The following SPRYD4 variants were observed in gnomAD, a reference collection of about 807,000 sequenced individuals.
SPRYD4 encodes SPRY domain-containing protein 4.
SPRYD4 carries 12 observed loss-of-function variants against 16.6 expected under a neutral mutation model. The ratio of observed to expected loss-of-function variants is 0.72; its 90% CI spans 0.46 to 1.17. The LOEUF is 1.17. Ranked by LOEUF, SPRYD4 falls within the 50% of genes most tolerant of loss-of-function variation. SPRYD4 has a pLI of 0.00. For missense variants in SPRYD4, 260 were observed against 260.2 expected, an observed-to-expected ratio of 1.00 and a Z score of 0.00; for synonymous variants, 98 against 105.4, an observed-to-expected ratio of 0.93 and a Z score of 0.43.
Position 56,473,385 on chromosome 12 carries a change from T to C in SPRYD4, c.*3808T>C, listed in dbSNP as rs896864320. Reference sequence around the variant, plus strand: ...ACACTTAGTAGGAGCTCAAAATTGCTTTATTATAGTAAAAGTGGTACCATT... The same window carrying C: ...ACACTTAGTAGGAGCTCAAAATTGCCTTATTATAGTAAAAGTGGTACCATT... On this transcript the variant is annotated 3_prime_UTR_variant, in exon 2 of 2. Coordinates refer to ENST00000338146, the MANE Select transcript of SPRYD4 (RefSeq NM_207344.4). 3.7e-6 allele frequency: 6 copies of C among 1,604,684 alleles called. No individual in the cohort carries two copies. In the African/African-American group the frequency reaches 4.0e-5, roughly 11 times the overall value.
At position 56,472,080 on chromosome 12, in the gene SPRYD4, A is replaced by G; in HGVS notation, c.*2503A>G. 1 of 1,602,280 alleles carries G rather than the reference A, an allele frequency of 6.2e-7. No homozygotes were observed. Among genetic ancestry groups the G allele is most frequent in the Non-Finnish European group, 8.5e-7 (1 of 1,170,068 alleles). ...CTTTTGGTGAAAAAGAAAGGGTCTTATGATTACCCTCCTCCTCCCCTCCTT... is the reference window on the plus strand; with the variant it reads ...CTTTTGGTGAAAAAGAAAGGGTCTTGTGATTACCCTCCTCCTCCCCTCCTT... On this transcript the variant is annotated 3_prime_UTR_variant, in exon 2 of 2. Coordinates refer to ENST00000338146, the MANE Select transcript of SPRYD4 (RefSeq NM_207344.4).
chr12:56,479,196 C>T lies in SPRYD4; in HGVS notation c.*9619C>T, dbSNP rs373424801. ...TGCTCACACACCTGGATCCCAGACACGATTGGATTAGGGGGCTAGAGAAAT... is the reference window on the plus strand; with the variant it reads ...TGCTCACACACCTGGATCCCAGACATGATTGGATTAGGGGGCTAGAGAAAT... On this transcript the variant is annotated 3_prime_UTR_variant, in exon 2 of 2. Coordinates refer to ENST00000338146, the MANE Select transcript of SPRYD4 (RefSeq NM_207344.4). The T allele has an allele frequency of 1.8e-5, 29 of 1,612,062 alleles. 1 individual carries two copies. Among genetic ancestry groups the T allele is most frequent in the Middle Eastern group, 3.3e-4 (2 of 6,060 alleles).
In SPRYD4 at chr12:56,478,374, G is replaced by C; in HGVS notation, c.*8797G>C. On this transcript the variant is annotated 3_prime_UTR_variant, in exon 2 of 2. Transcript: ENST00000338146. Reference sequence around the variant, plus strand: ...AAAAGCTAAAATTCTGTCTTCTATAGGGCAGAGGGGTTCCCTCCTGCCTGT... The same window carrying C: ...AAAAGCTAAAATTCTGTCTTCTATACGGCAGAGGGGTTCCCTCCTGCCTGT... 4 of 1,108,560 alleles carry C rather than the reference G, an allele frequency of 3.6e-6. No individual in the cohort carries two copies. In the South Asian group the frequency reaches 5.9e-5, roughly 16 times the overall value. The allele number at this position is 1,108,560 out of a possible 1,614,324, so 68.7% of individuals were successfully genotyped here.
Position 56,478,077 on chromosome 12 carries a change from TTGTG to T in SPRYD4, c.*8503_*8506del. 3 of 1,614,118 alleles carry T rather than the reference TTGTG, an allele frequency of 1.9e-6. No homozygotes were observed. Among genetic ancestry groups the T allele is most frequent in the Non-Finnish European group, 2.5e-6 (3 of 1,179,982 alleles). The stretch of plus-strand genomic sequence containing the variant: ...CAGGACTGCAGGCAGAAGGGGATCT[TTGTG>T]TGGCCCACAGAGTGCCTGGAGGCAG... On this transcript the variant is annotated 3_prime_UTR_variant, in exon 2 of 2. Transcript: ENST00000338146.
chr12:56,472,825 A>G lies in SPRYD4; in HGVS notation c.*3248A>G, dbSNP rs1869414747. 2 of 1,188,982 alleles carry G rather than the reference A, an allele frequency of 1.7e-6. No individual in the cohort carries two copies. The highest frequency in any genetic ancestry group is 2.5e-6 in the Non-Finnish European group (2 of 797,408). The allele number at this position is 1,188,982 out of a possible 1,614,324, so 73.7% of individuals were successfully genotyped here. On this transcript the variant is annotated 3_prime_UTR_variant, in exon 2 of 2. Transcript: ENST00000338146. ...CAGCTGTGCCCTGTGACCCTCCTCC[A>G]TGGATGCTTAGTCCAAGGGTATTGC...
chr12:56,471,663 G>T lies in SPRYD4; in HGVS notation c.*2086G>T, dbSNP rs752875915. On this transcript the variant is annotated 3_prime_UTR_variant, in exon 2 of 2. Coordinates refer to ENST00000338146, the MANE Select transcript of SPRYD4 (RefSeq NM_207344.4). Reference sequence around the variant, plus strand: ...CCCCACCTGAGAGGAATAATGATATGATCAGGCAAAGGAGACGTGGAGAGT... The same window carrying T: ...CCCCACCTGAGAGGAATAATGATATTATCAGGCAAAGGAGACGTGGAGAGT... 40 of 1,613,564 alleles carry T rather than the reference G, an allele frequency of 2.5e-5. No homozygotes were observed. The Middle Eastern group carries it at 6.6e-4, about 27-fold the overall frequency.
rs1201997736 is a variant in SPRYD4 at position 56,470,000 on chromosome 12, T to C, written c.*423T>C. On this transcript the variant is annotated 3_prime_UTR_variant, in exon 2 of 2. Coordinates refer to ENST00000338146, the MANE Select transcript of SPRYD4 (RefSeq NM_207344.4). ...CTCTACCAGATGGCTGAAGAGTAAA[T>C]CCTTTCTACCTCTGGCTGAAGGAGT... The C allele has an allele frequency of 3.4e-5, 6 of 174,452 alleles. No homozygotes were observed. The highest frequency in any genetic ancestry group is 1.4e-4 in the African/African-American group (6 of 42,368). The allele number at this position is 174,452 out of a possible 1,614,324, so 10.8% of individuals were successfully genotyped here. A position where few individuals can be genotyped will look rare whatever the true frequency, so the allele number is the denominator to read the frequency against.
chr12:56,472,471 C>T lies in SPRYD4; in HGVS notation c.*2894C>T, dbSNP rs111769122. 2.0e-3 allele frequency: 1,217 copies of T among 608,528 alleles called. 14 individuals are homozygous for T. In the African/African-American group the frequency reaches 0.021, roughly 10 times the overall value. 37.7% of individuals were successfully genotyped at this position (608,528 alleles called of 1,614,324 possible). On this transcript the variant is annotated 3_prime_UTR_variant, in exon 2 of 2. Coordinates refer to ENST00000338146, the MANE Select transcript of SPRYD4 (RefSeq NM_207344.4). The stretch of plus-strand genomic sequence containing the variant: ...GGTACCTACTTCCTAGGACACTGCT[C>T]TTAACACTCAATAACAATGGCTAAC...
Position 56,472,496 on chromosome 12 carries a change from C to A in SPRYD4, c.*2919C>A. Reference sequence around the variant, plus strand: ...CTTAACACTCAATAACAATGGCTAACATTAATTATCATAGAGCAGACAGTT... The same window carrying A: ...CTTAACACTCAATAACAATGGCTAAAATTAATTATCATAGAGCAGACAGTT... On this transcript the variant is annotated 3_prime_UTR_variant, in exon 2 of 2. Coordinates refer to ENST00000338146, the MANE Select transcript of SPRYD4 (RefSeq NM_207344.4). The A allele has an allele frequency of 1.6e-6, 1 of 617,664 alleles. No individual in the cohort carries two copies. The highest frequency in any genetic ancestry group is 2.8e-6 in the Non-Finnish European group (1 of 353,152). The allele number at this position is 617,664 out of a possible 1,614,324, so 38.3% of individuals were successfully genotyped here.
At position 56,471,282 on chromosome 12, in the gene SPRYD4, T is replaced by C. The variant is rs1325375514; in HGVS notation, c.*1705T>C. On this transcript the variant is annotated 3_prime_UTR_variant, in exon 2 of 2. Coordinates refer to ENST00000338146, the MANE Select transcript of SPRYD4 (RefSeq NM_207344.4). The stretch of plus-strand genomic sequence containing the variant: ...TCTCTCTGGATAGCTGTACTGCAGG[T>C]GTCCTCTGAGGCCCTTCTCTGTACT... 4.4e-5 allele frequency: 24 copies of C among 548,212 alleles called. No homozygotes were observed. The highest frequency in any genetic ancestry group is 6.7e-5 in the Non-Finnish European group (21 of 315,438). The allele number at this position is 548,212 out of a possible 1,614,324, so 34.0% of individuals were successfully genotyped here.
At position 56,479,140 on chromosome 12, in the gene SPRYD4, C is replaced by T. The variant is rs148320432; in HGVS notation, c.*9563C>T. The T allele has an allele frequency of 3.6e-4, 581 of 1,614,010 alleles. No individual in the cohort carries two copies. Among genetic ancestry groups the T allele is most frequent in the Non-Finnish European group, 4.3e-4 (511 of 1,180,022 alleles). ...AAAATCAGGAATGACAAACTTCTTTCGGAATGCCTGGGTCAGGAGCACAAT... is the reference window on the plus strand; with the variant it reads ...AAAATCAGGAATGACAAACTTCTTTTGGAATGCCTGGGTCAGGAGCACAAT... On this transcript the variant is annotated 3_prime_UTR_variant, in exon 2 of 2. Coordinates refer to ENST00000338146, the MANE Select transcript of SPRYD4 (RefSeq NM_207344.4).
Position 56,473,369 on chromosome 12 carries a change from A to G in SPRYD4, c.*3792A>G, listed in dbSNP as rs1447881749. 1 of 1,606,416 alleles carries G rather than the reference A, an allele frequency of 6.2e-7. No homozygotes were observed. Among genetic ancestry groups the G allele is most frequent in the East Asian group, 2.2e-5 (1 of 44,822 alleles). On this transcript the variant is annotated 3_prime_UTR_variant, in exon 2 of 2. Transcript: ENST00000338146. ...TGTTTATTTACTCCTTACACTTAGT[A>G]GGAGCTCAAAATTGCTTTATTATAG...
rs1465757234 is a variant in SPRYD4, at chr12:56,472,743, A to G, written c.*3166A>G. 2 of 1,613,940 alleles carry G rather than the reference A, an allele frequency of 1.2e-6. No homozygotes were observed. Among genetic ancestry groups the G allele is most frequent in the Admixed American group, 1.7e-5 (1 of 60,000 alleles). On this transcript the variant is annotated 3_prime_UTR_variant, in exon 2 of 2. Transcript: ENST00000338146. The stretch of plus-strand genomic sequence containing the variant: ...AGGCAGCAAATAACAGGTTGACCAC[A>G]GTCTTGTTCTGGAACACAAATCATA...
At position 56,475,240 on chromosome 12, in the gene SPRYD4, C is replaced by T; in HGVS notation, c.*5663C>T. ...CTAAATGAACCCCTTTATAACTTCT[C>T]ACAGTAATATTAGAGGAAATTTCTG... On this transcript the variant is annotated 3_prime_UTR_variant, in exon 2 of 2. Coordinates refer to ENST00000338146, the MANE Select transcript of SPRYD4 (RefSeq NM_207344.4). The T allele has an allele frequency of 6.3e-7, 1 of 1,587,044 alleles. No homozygotes were observed. The highest frequency in any genetic ancestry group is 1.7e-5 in the Admixed American group (1 of 57,236).
rs1486966301 is a variant in SPRYD4, at chr12:56,475,698, G to C, written c.*6121G>C. 1.2e-6 allele frequency: 2 copies of C among 1,614,020 alleles called. No homozygotes were observed. The highest frequency in any genetic ancestry group is 2.2e-5 in the South Asian group (2 of 91,076). ...ACTGCAACACCTGGAAGAGAAAAAG[G>C]GACATTGAGGCTCCACTTGGTTAAG... On this transcript the variant is annotated 3_prime_UTR_variant, in exon 2 of 2. Transcript: ENST00000338146.
chr12:56,469,148 C>CTTGAAT lies in SPRYD4; in HGVS notation c.196_201dup (p.Leu66_Asn67dup), dbSNP rs1869127100. 1.9e-6 allele frequency: 3 copies of CTTGAAT among 1,613,996 alleles called. No homozygotes were observed. In the Admixed American group the frequency reaches 5.0e-5, roughly 27 times the overall value. On this transcript the variant is annotated inframe_insertion, in exon 2 of 2. Transcript: ENST00000338146. ...TGGGATTGGAGCCCACCAAGGTGGC[C>CTTGAAT]TTGAATGTGGAGCGCTTCCGGGAGT... is the stretch of plus-strand genomic sequence containing the variant.
In SPRYD4 at chr12:56,469,115, T is replaced by C. The variant is rs780924158; in HGVS notation, c.162T>C (p.Tyr54=). 35 of 1,613,252 alleles carry C rather than the reference T, an allele frequency of 2.2e-5. 1 individual carries two copies. The East Asian group carries it at 2.4e-4, about 11-fold the overall frequency. Residue 54 remains tyrosine, a synonymous_variant, in exon 2 of 2, where the codon TAT becomes TAC. Transcript: ENST00000338146. ...TCAGAGATGATACGGGTGTCAAATATGGCTTGGTGGGATTGGAGCCCACCA... is the reference window on the plus strand; with the variant it reads ...TCAGAGATGATACGGGTGTCAAATACGGCTTGGTGGGATTGGAGCCCACCA... ...ALFRDDTGVK[Y]GLVGLEPTKV...
rs1385022681 is a variant in SPRYD4, at chr12:56,479,664, TAATAA to T, written c.*10096_*10100del. 1.9e-5 allele frequency: 23 copies of T among 1,199,108 alleles called. No individual in the cohort carries two copies. The highest frequency in any genetic ancestry group is 7.7e-5 in the African/African-American group (5 of 64,682). 74.3% of individuals were successfully genotyped at this position (1,199,108 alleles called of 1,614,324 possible). On this transcript the variant is annotated 3_prime_UTR_variant, in exon 2 of 2. Transcript: ENST00000338146. ...ATTCATGTATAACTTATGTAATAAG[TAATAA>T]AATAAAATGAGGAATTGAACTATAC...
In SPRYD4 at chr12:56,474,896, A is replaced by T; in HGVS notation, c.*5319A>T. ...ATCATGTCCACCCCCTTAGGAAAGC[A>T]CTGCAAGGAAGAGAGGGGAGAGCAT... is the stretch of plus-strand genomic sequence containing the variant. On this transcript the variant is annotated 3_prime_UTR_variant, in exon 2 of 2. Transcript: ENST00000338146. 6.2e-7 allele frequency: 1 copy of T among 1,614,122 alleles called. No individual in the cohort carries two copies. Among genetic ancestry groups the T allele is most frequent in the Non-Finnish European group, 8.5e-7 (1 of 1,180,012 alleles).
Sources: gnomAD v4.1 joint callset for allele counts on GRCh38, gnomAD v4.1.1 for gene constraint, MANE v1.5 for transcripts, NCBI Gene and HGNC (gene_info 2026-07-23, HGNC 2026-07-21) for gene names.